The following EPHA6 variants were observed in gnomAD, a reference collection of about 807,000 sequenced individuals.
EPHA6 encodes ephrin type-A receptor 6.
A neutral mutation model predicts 112.0 loss-of-function variants in EPHA6; 50 were observed. The ratio of observed to expected loss-of-function variants is 0.45; its 90% CI spans 0.36 to 0.56. The LOEUF (loss-of-function observed/expected upper bound fraction) is 0.56, where lower values mean the gene tolerates loss of function less well. Among genes scored for constraint, EPHA6 ranks in the 20% least tolerant of loss-of-function variants. The pLI, the probability that EPHA6 is intolerant of heterozygous loss-of-function variation, is 0.00. For missense variants in EPHA6, 1,280 were observed against 1,417.4 expected (o/e 0.90, Z 1.56); for synonymous variants, 529 against 490.7 (o/e 1.08, Z -1.03).
intron 3 of EPHA6, among the ~76,000 whole-genome samples, chr3:97,191,681 A>G (rs1270916254): frequency 6.6e-6 from 1 of 152,236 alleles, no homozygotes; most frequent in East Asian, 1.9e-4. Context: ...CTAGTATTCC[A>G]CTGTGTATAT....
intron 3 of EPHA6, among the ~76,000 whole-genome samples, chr3:97,198,790 C>A (rs1304822472): frequency 1.3e-5 from 2 of 151,978 alleles, no homozygotes; most frequent in African/African-American, 4.8e-5. Context: ...ATTGAACATG[C>A]TAGTGTCTGA....
intron 4 of EPHA6, among the ~76,000 whole-genome samples, chr3:97,227,226 T>C (rs1461778764): frequency 4.0e-5 from 6 of 151,886 alleles, no homozygotes; most frequent in Non-Finnish European, 8.8e-5. Flanking sequence ...AGGAGACTTT[T>C]TTTTTTTTTT....
chr3:97,371,015 T>A (rs1420624344), intron 5 of EPHA6, among the ~76,000 whole-genome samples: 3 of 151,994 alleles, frequency 2.0e-5, no homozygotes, highest in Non-Finnish European at 2.9e-5. Context: ...GAGTGGGAGA[T>A]GAAGAGCCTG....
rs796531853 is a variant in EPHA6 at position 96,931,018 on chromosome 3, A to AAAAAAAG, written c.451-56309_451-56308insAAAGAAA. On this transcript the variant is annotated intron_variant, in intron 2 of 17. Coordinates refer to ENST00000389672, the MANE Select transcript of EPHA6 (RefSeq NM_001080448.3). ...AAAAAAAAAAAAAAAAAAAAAAAAA[A>AAAAAAAG]AAAGAAAAGCTTTCTGGCTGCTTTT... 3.9e-3 allele frequency among the ~76,000 whole-genome samples: 332 copies of AAAAAAAG among 84,570 alleles called. 51 individuals carry two copies. Among genetic ancestry groups the AAAAAAAG allele is most frequent in the African/African-American group, 5.9e-3 (139 of 23,668 alleles). The allele number at this position is 84,570 out of a possible 152,430, so 55.5% of individuals were successfully genotyped here. A position where few individuals can be genotyped will look rare whatever the true frequency, so the allele number is the denominator to read the frequency against.
chr3:97,424,133 C>T (rs1251987747), intron 6 of EPHA6, among the ~76,000 whole-genome samples: 1 of 152,178 alleles, frequency 6.6e-6, no homozygotes, highest in African/African-American at 2.4e-5. Flanking sequence ...TCTTACATGG[C>T]AGCAGGCAAG....
At chr3:96,882,768 G>GTGTGTATA (rs774521290) in intron 2 of EPHA6, among the ~76,000 whole-genome samples, 1,874 of 148,870 alleles carry the variant, frequency 0.013, 54 homozygotes, top group African/African-American at 0.036. Context: ...GTGTGTGTGT[G>GTGTGTATA]TATAGTCAAT....
intron 2 of EPHA6, among the ~76,000 whole-genome samples, chr3:96,878,014 A>C (rs1016970651): frequency 1.3e-5 from 2 of 151,192 alleles, no homozygotes; most frequent in Non-Finnish European, 3.0e-5. Context: ...TAATTTAGAG[A>C]GTTTGATTTA....
At chr3:97,310,641 G>A (rs768139183) in intron 5 of EPHA6, among the ~76,000 whole-genome samples, 2 of 151,566 alleles carry the variant, frequency 1.3e-5, no homozygotes, top group African/African-American at 4.8e-5. Context: ...ATGAGAGAAA[G>A]AGCATTGACA....
At chr3:97,214,756 G>T (rs866786696) in intron 3 of EPHA6, among the ~76,000 whole-genome samples, 1 of 152,068 alleles carries the variant, frequency 6.6e-6, no homozygotes, top group Non-Finnish European at 1.5e-5. Context: ...TATAGACTTG[G>T]ATTTGGTGAA....
intron 3 of EPHA6, among the ~76,000 whole-genome samples, chr3:97,188,267 A>G (rs2077209268): frequency 6.6e-6 from 1 of 152,150 alleles, no homozygotes; most frequent in African/African-American, 2.4e-5. Flanking sequence ...GATGCTAAAC[A>G]TCAGCTGTAA....
At chr3:97,030,474 T>C (rs2044788021) in intron 3 of EPHA6, among the ~76,000 whole-genome samples, 6 of 152,032 alleles carry the variant, frequency 3.9e-5, no homozygotes. Flanking sequence ...ACGGGTTATG[T>C]CTCCCCTACT....
chr3:97,574,041 G>A (rs145377945), intron 11 of EPHA6, among the ~76,000 whole-genome samples: 3 of 152,010 alleles, frequency 2.0e-5, no homozygotes, highest in African/African-American at 7.2e-5. Flanking sequence ...CTATTAACAT[G>A]TATCTGTTAT....
chr3:97,411,119 A>T (rs1007476702), intron 6 of EPHA6, among the ~76,000 whole-genome samples: 1 of 151,888 alleles, frequency 6.6e-6, no homozygotes, highest in Non-Finnish European at 1.5e-5. Flanking sequence ...ATTTGGTACT[A>T]ATTAAAACAG....
intron 5 of EPHA6, among the ~76,000 whole-genome samples, chr3:97,344,090 G>C (rs891438499): frequency 1.3e-5 from 2 of 152,150 alleles, no homozygotes; most frequent in Non-Finnish European, 2.9e-5. Flanking sequence ...AGGTTCACAG[G>C]TGGAGGGGAG....
Position 97,750,148 on chromosome 3 carries a change from A to C in EPHA6, c.*1447A>C, listed in dbSNP as rs1373419218. Among the ~76,000 whole-genome samples the C allele has an allele frequency of 6.6e-6, 1 of 152,168 alleles. No homozygotes were observed. Among genetic ancestry groups the C allele is most frequent in the South Asian group, 2.1e-4 (1 of 4,830 alleles). On this transcript the variant is annotated 3_prime_UTR_variant, in exon 18 of 18. Transcript: ENST00000389672. ...TGACGACTGTTTTAGGTGAAAGAGT[A>C]AGTAAAATGTGTTGAGAGAAAAAAA...
At chr3:97,608,173 A>T (rs1204108921) in intron 12 of EPHA6, among the ~76,000 whole-genome samples, 2 of 151,238 alleles carry the variant, frequency 1.3e-5, no homozygotes, top group Admixed American at 1.3e-4. Context: ...AAGAGTTCAA[A>T]TGTGAAACTT....
chr3:97,132,483 T>C (rs2075657185), intron 3 of EPHA6, among the ~76,000 whole-genome samples: 1 of 152,082 alleles, frequency 6.6e-6, no homozygotes. Flanking sequence ...AAGTCCTGTG[T>C]TAGTAAAGTA....
chr3:97,441,121 A>C (rs1190232702), intron 6 of EPHA6, among the ~76,000 whole-genome samples: 1 of 151,986 alleles, frequency 6.6e-6, no homozygotes, highest in Non-Finnish European at 1.5e-5. Flanking sequence ...CCGTTCTCTA[A>C]ATATAGTATA....
intron 2 of EPHA6, among the ~76,000 whole-genome samples, chr3:96,882,356 T>A (rs983078726): frequency 6.6e-6 from 1 of 152,222 alleles, no homozygotes; most frequent in Non-Finnish European, 1.5e-5. Context: ...TTTTTTATTT[T>A]ATTTTTCCGT....
Sources: gnomAD v4.1 joint callset for allele counts (sites outside exome capture counted in the v4.1 genomes callset) on GRCh38, gnomAD v4.1.1 for gene constraint, MANE v1.5 for transcripts, NCBI Gene and HGNC (gene_info 2026-07-23, HGNC 2026-07-21) for gene names.